AGRN: variants seen among roughly 807,000 people sequenced by gnomAD.
The protein encoded by AGRN is agrin, also known as agrin proteoglycan.
A neutral mutation model predicts 211.0 loss-of-function variants in AGRN; 106 were observed. That is an observed-to-expected ratio of 0.50 (90% CI 0.43 to 0.59). The LOEUF is 0.59. Ranked by LOEUF, AGRN falls within the 20% of genes least tolerant of loss-of-function variation. The probability of loss-of-function intolerance (pLI) is 0.00; values close to 1 mark genes in which losing one functional copy is unlikely to be tolerated. For synonymous variants in AGRN, 1,525 were observed against 1,332.5 expected (o/e 1.14, Z -3.15); for missense variants, 3,040 against 2,982.6 (o/e 1.02, Z -0.45).
rs368963266 is a variant in AGRN at position 1,046,810 on chromosome 1, G to A, written c.3251-10G>A. ...CCACCAGAGCCTGGGCTCAGAGCGC[G>A]TCTCCCCAGGGCTCGAGCCCTTGGA... is the stretch of plus-strand genomic sequence containing the variant. On this transcript the variant is annotated splice_polypyrimidine_tract_variant and intron_variant, in intron 18 of 35. Coordinates refer to ENST00000379370, the MANE Select transcript of AGRN (RefSeq NM_198576.4). The A allele has an allele frequency of 6.2e-5, 98 of 1,578,440 alleles. No individual in the cohort carries two copies. The South Asian group carries it at 7.7e-4, about 12-fold the overall frequency.
intron 2 of AGRN, among the ~76,000 whole-genome samples, chr1:1,024,200 G>C (rs1020556194): frequency 3.3e-5 from 5 of 152,090 alleles, no homozygotes. Flanking sequence ...TGGCTGCCGG[G>C]ACAGGGTAAA....
intron 2 of AGRN, among the ~76,000 whole-genome samples, chr1:1,030,767 A>ATGTG (rs142523522): frequency 7.9e-4 from 32 of 40,660 alleles, no homozygotes; most frequent in African/African-American, 4.3e-3. Flanking sequence ...TGAGATCAGC[A>ATGTG]TGTGTGTGTG....
In AGRN at chr1:1,045,728, C is replaced by T. The variant is rs1645072187; in HGVS notation, c.2537-5C>T. 1 of 1,613,208 alleles carries T rather than the reference C, an allele frequency of 6.2e-7. No homozygotes were observed. The highest frequency in any genetic ancestry group is 1.3e-5 in the African/African-American group (1 of 74,918). ...CATCACGTTCCTCCCCGATTTTCCCCAAAGCCTGCAGCTGTGATCCCCAAG... is the reference window on the plus strand; with the variant it reads ...CATCACGTTCCTCCCCGATTTTCCCTAAAGCCTGCAGCTGTGATCCCCAAG... On this transcript the variant is annotated splice_polypyrimidine_tract_variant and splice_region_variant and intron_variant, in intron 14 of 35. Coordinates refer to ENST00000379370, the MANE Select transcript of AGRN (RefSeq NM_198576.4).
intron 2 of AGRN, chr1:1,034,128 C>T: frequency 1.0e-6 from 1 of 985,352 alleles, no homozygotes; most frequent in Non-Finnish European, 1.2e-6. Context: ...TCGCCGCTTC[C>T]GCCTCTGCCG....
intron 21 of AGRN, 43 bp downstream of exon 21, chr1:1,047,730 G>T (rs1317647279): frequency 6.2e-7 from 1 of 1,612,134 alleles, no homozygotes; most frequent in East Asian, 2.2e-5. Flanking sequence ...GCAATGGGTG[G>T]GGGATGCCTG....
At chr1:1,050,077 G>A (rs768890712) in intron 27 of AGRN, 40 bp downstream of exon 27, 33 of 1,518,856 alleles carry the variant, frequency 2.2e-5, no homozygotes, top group South Asian at 7.2e-5. Flanking sequence ...GGGGGGGGGG[G>A]GTTGAACGTT....
chr1:1,043,867 G>T lies in AGRN; in HGVS notation c.1843G>T (p.Ala615Ser), dbSNP rs762357955. ...GTGTGCTTTTGGGGCTGTGTGCTCC[G>T]CAGGGCAGTGTGTGTGTCCCCGGTG... is the stretch of plus-strand genomic sequence containing the variant. ...AVCAFGAVCSAGQCVCPRCEH... is the reference protein window; with the variant it reads ...AVCAFGAVCSSGQCVCPRCEH... Residue 615 changes from alanine (A) to serine (S), a missense_variant, in exon 10 of 36, where the codon GCA becomes TCA. This residue lies in a region of AGRN where 1,498 missense variants were observed against 1,457.8 expected (regional missense o/e 1.03). Transcript: ENST00000379370. 3 of 1,611,222 alleles carry T rather than the reference G, an allele frequency of 1.9e-6. No individual in the cohort carries two copies. The highest frequency in any genetic ancestry group is 1.6e-4 in the Middle Eastern group (1 of 6,078).
chr1:1,047,130 C>T (rs143957166), intron 19 of AGRN, 173 bp downstream of exon 19: 23 of 1,370,954 alleles, frequency 1.7e-5, no homozygotes, highest in African/African-American at 8.7e-5. Context: ...CGTTGCAAGC[C>T]GGTGTGGCAC....
intron 33 of AGRN, chr1:1,052,252 C>T (rs758182831): frequency 1.0e-4 from 39 of 372,468 alleles, no homozygotes; most frequent in South Asian, 7.5e-4. Flanking sequence ...CTGTACACAC[C>T]TGTGCGCATA....
In AGRN at chr1:1,022,340, T is replaced by C; in HGVS notation, c.341T>C (p.Ile114Thr). The C allele has an allele frequency of 6.2e-7, 1 of 1,613,300 alleles. No individual in the cohort carries two copies. Among genetic ancestry groups the C allele is most frequent in the Non-Finnish European group, 8.5e-7 (1 of 1,180,004 alleles). The change falls in exon 2 of 36, where the codon ATC becomes ACC. Residue 114 changes from isoleucine (I) to threonine (T), a missense_variant. Transcript: ENST00000379370. ...CAGGTGTCCACTGGGGACACCAGGA[T>C]CTTCTTTGTGAACCCTGCACCCCCA... Reference protein sequence around the residue: ...DNQVSTGDTRIFFVNPAPPYL... With the variant: ...DNQVSTGDTRTFFVNPAPPYL...
rs191982717 is a variant in AGRN at position 1,031,494 on chromosome 1, C to T, written c.464-3783C>T. Reference sequence around the variant, plus strand: ...CTTTGTCTTTCTGAAGGCATCTGGGCCTCTGTGGGGGGCTCAGACACTGAC... The same window carrying T: ...CTTTGTCTTTCTGAAGGCATCTGGGTCTCTGTGGGGGGCTCAGACACTGAC... On this transcript the variant is annotated intron_variant, in intron 2 of 35. Coordinates refer to ENST00000379370, the MANE Select transcript of AGRN (RefSeq NM_198576.4). The surrounding 1 kb of genome is among the most constrained non-coding windows in gnomAD (Gnocchi z 4.8). Among the ~76,000 whole-genome samples the T allele has an allele frequency of 6.6e-6, 1 of 152,286 alleles. No homozygotes were observed. The highest frequency in any genetic ancestry group is 6.5e-5 in the Admixed American group (1 of 15,310).
At chr1:1,024,162 C>CA (rs1338046527) in intron 2 of AGRN, among the ~76,000 whole-genome samples, 3 of 152,076 alleles carry the variant, frequency 2.0e-5, no homozygotes, top group Non-Finnish European at 4.4e-5. Context: ...GGAAGTAGAC[C>CA]AGGGATATCT....
chr1:1,043,627 C>T lies in AGRN; in HGVS notation c.1693C>T (p.Pro565Ser), dbSNP rs760195130. The change falls in exon 9 of 36, where the codon CCC (proline) becomes TCC (serine). Residue 565 changes from proline to serine, a missense_variant. Transcript: ENST00000379370. ...CPSECVALAQ[P>S]VCGSDGHTYP... ...CTCTGAATGCGTGGCTTTGGCCCAG[C>T]CCGTGTGTGGCTCCGACGGGCACAC... 4.8e-5 allele frequency: 77 copies of T among 1,603,656 alleles called. No individual in the cohort carries two copies. The highest frequency in any genetic ancestry group is 6.4e-5 in the Non-Finnish European group (75 of 1,179,760).
chr1:1,037,630 G>A (rs1298630006), intron 3 of AGRN, among the ~76,000 whole-genome samples: 3 of 152,238 alleles, frequency 2.0e-5, no homozygotes, highest in Non-Finnish European at 4.4e-5. Flanking sequence ...AGGAGGTGGA[G>A]CTAAGACAGG....
chr1:1,049,224 T>G lies in AGRN; in HGVS notation c.4299-12T>G. On this transcript the variant is annotated splice_polypyrimidine_tract_variant and intron_variant, in intron 24 of 35. Transcript: ENST00000379370. ...CCGGGCGATGGTCCTGAGCACCTGCTCCTGCCCTCAGGTTTGACACAGGTT... is the reference window on the plus strand; with the variant it reads ...CCGGGCGATGGTCCTGAGCACCTGCGCCTGCCCTCAGGTTTGACACAGGTT... The G allele has an allele frequency of 3.2e-6, 5 of 1,567,922 alleles. No individual in the cohort carries two copies. Among genetic ancestry groups the G allele is most frequent in the Non-Finnish European group, 4.3e-6 (5 of 1,163,746 alleles).
At position 1,056,047 on chromosome 1, in the gene AGRN, G is replaced by A. The variant is rs1294297119; in HGVS notation, c.*1066G>A. ...GATGAAGCGGGCGGCGGTGGGGCTG[G>A]GTGCCGTGTTACTAACTCTAGTATG... On this transcript the variant is annotated 3_prime_UTR_variant, in exon 36 of 36. Transcript: ENST00000379370. 6.6e-6 allele frequency: 1 copy of A among 152,330 alleles called. No individual in the cohort carries two copies. The highest frequency in any genetic ancestry group is 2.4e-5 in the African/African-American group (1 of 41,464). The allele number at this position is 152,330 out of a possible 1,614,324, so 9.4% of individuals were successfully genotyped here.
chr1:1,023,327 C>A (rs1316885851), intron 2 of AGRN, among the ~76,000 whole-genome samples: 2 of 152,218 alleles, frequency 1.3e-5, no homozygotes, highest in Admixed American at 1.3e-4. Context: ...CTGCTCTTGC[C>A]TTCTCTGTGC....
Position 1,049,955 on chromosome 1 carries a change from G to A in AGRN, c.4797G>A (p.Gly1599=). ...CCTGCCAGCCCAACCCCTGCCATGG[G>A]GCGGCGCCCTGCCGTGTGCTGCCCG... ...KSPCQPNPCH[G]AAPCRVLPEG... The change falls in exon 27 of 36, where the codon GGG becomes GGA. Residue 1599 remains glycine, a synonymous_variant. Transcript: ENST00000379370. 6.2e-7 allele frequency: 1 copy of A among 1,612,296 alleles called. No individual in the cohort carries two copies.
intron 9 of AGRN, 31 bp from the exon 10 acceptor site, chr1:1,043,792 G>T: frequency 6.2e-7 from 1 of 1,607,824 alleles, no homozygotes. Flanking sequence ...GCCTGGGCCT[G>T]CCGACCCCTG....
Sources: gnomAD v4.1 joint callset for allele counts (sites outside exome capture counted in the v4.1 genomes callset) on GRCh38, gnomAD v4.1.1 for gene constraint, gnomAD v4.1.1 regional missense constraint, Gnocchi (gnomAD v3.1) non-coding constraint, MANE v1.5 for transcripts, NCBI Gene and HGNC (gene_info 2026-07-23, HGNC 2026-07-21) for gene names.